Variants in KIF2C observed in about 807,000 individuals in gnomAD.
KIF2C encodes the protein kinesin family member 2C.
KIF2C carries 34 observed loss-of-function variants against 97.4 expected under a neutral mutation model. The observed-to-expected ratio is 0.35, with a 90% CI of 0.27 to 0.46. The LOEUF is 0.46. Ranked by LOEUF, KIF2C falls within the 20% of genes least tolerant of loss-of-function variation. The pLI is 1.00. For synonymous variants in KIF2C, 313 were observed against 318.2 expected, an observed-to-expected ratio of 0.98 and a Z score of 0.17; for missense variants, 750 against 907.6, an observed-to-expected ratio of 0.83 and a Z score of 2.23.
At chr1:44,754,638 C>G (rs1649716592) in intron 7 of KIF2C, 112 bp from the exon 8 acceptor site, 4 of 773,976 alleles carry the variant, frequency 5.2e-6, no homozygotes, top group Admixed American at 1.9e-5. Flanking sequence ...AGGGCAGGGA[C>G]TTTGACAACT....
chr1:44,750,542 C>A lies in KIF2C; in HGVS notation c.417C>A (p.Ser139=). Residue 139 remains serine (S), a synonymous_variant, in exon 5 of 21, where the codon TCC becomes TCA. Coordinates refer to ENST00000372224, the MANE Select transcript of KIF2C (RefSeq NM_006845.4). ...MEVELPAAAN[S]RKQFSVPPAP... Reference sequence around the variant, plus strand: ...TGGAGCTGCCTGCAGCTGCAAACTCCCGCAAGCAGTTTTCAGTTCCTCGTG... The same window carrying A: ...TGGAGCTGCCTGCAGCTGCAAACTCACGCAAGCAGTTTTCAGTTCCTCGTG... The A allele has an allele frequency of 1.3e-6, 2 of 1,583,590 alleles. No homozygotes were observed. Among genetic ancestry groups the A allele is most frequent in the South Asian group, 1.1e-5 (1 of 87,642 alleles).
Position 44,760,633 on chromosome 1 carries a change from G to A in KIF2C, c.1614G>A (p.Pro538=), listed in dbSNP as rs775625812. Reference sequence around the variant, plus strand: ...TGGGACAGAACAAGGCTCACACCCCGTTCCGTGAGAGCAAGCTGACACAGG... The same window carrying A: ...TGGGACAGAACAAGGCTCACACCCCATTCCGTGAGAGCAAGCTGACACAGG... ...RALGQNKAHT[P]FRESKLTQVL... is the part of the protein sequence containing the mutation. Residue 538 remains proline, a synonymous_variant, in exon 16 of 21, where the codon CCG becomes CCA. Coordinates refer to ENST00000372224, the MANE Select transcript of KIF2C (RefSeq NM_006845.4). This position sits in a 1 kb window ranked among gnomAD's most constrained non-coding sequence, Gnocchi z 4.2. The A allele has an allele frequency of 1.7e-5, 28 of 1,614,090 alleles. No individual in the cohort carries two copies. The highest frequency in any genetic ancestry group is 9.9e-5 in the South Asian group (9 of 91,088).
intron 8 of KIF2C, among the ~76,000 whole-genome samples, 197 bp from the exon 9 acceptor site, chr1:44,755,732 G>A (rs1222686281): frequency 6.6e-6 from 1 of 152,230 alleles, no homozygotes; most frequent in East Asian, 1.9e-4. Flanking sequence ...AGCAGAGTGA[G>A]AAAAATGGGA....
At chr1:44,754,656 G>A (rs972976821) in intron 7 of KIF2C, 94 bp from the exon 8 acceptor site, 10 of 801,924 alleles carry the variant, frequency 1.2e-5, no homozygotes, top group African/African-American at 1.0e-4. Flanking sequence ...ACTATGAAGG[G>A]TGGTGAGCAA....
rs767747668 is a variant in KIF2C, at chr1:44,756,142, C to T, written c.882C>T (p.Pro294=). 4.3e-6 allele frequency: 7 copies of T among 1,614,050 alleles called. No homozygotes were observed. In the African/African-American group the frequency reaches 9.3e-5, roughly 22 times the overall value. ...PSKCLLLVHE[P]KLKVDLTKYL... is the part of the protein sequence containing the mutation. ...AGTGTCTCCTCTTGGTACATGAACC[C>T]AAGTTGAAAGTGGACTTAACAAAGT... The change falls in exon 10 of 21, where the codon CCC becomes CCT. Residue 294 remains proline, a synonymous_variant. Coordinates refer to ENST00000372224, the MANE Select transcript of KIF2C (RefSeq NM_006845.4).
In KIF2C at chr1:44,760,631, C is replaced by G. The variant is rs1353102750; in HGVS notation, c.1612C>G (p.Pro538Ala). 6.2e-7 allele frequency: 1 copy of G among 1,614,182 alleles called. No homozygotes were observed. The highest frequency in any genetic ancestry group is 8.5e-7 in the Non-Finnish European group (1 of 1,180,034). The change falls in exon 16 of 21, where the codon CCG (proline) becomes GCG (alanine). Residue 538 changes from proline (P) to alanine (A), a missense_variant. Coordinates refer to ENST00000372224, the MANE Select transcript of KIF2C (RefSeq NM_006845.4). The surrounding 1 kb of genome is among the most constrained non-coding windows in gnomAD (Gnocchi z 4.2). Reference protein sequence around the residue: ...RALGQNKAHTPFRESKLTQVL... With the variant: ...RALGQNKAHTAFRESKLTQVL... The stretch of plus-strand genomic sequence containing the variant: ...CCTGGGACAGAACAAGGCTCACACC[C>G]CGTTCCGTGAGAGCAAGCTGACACA...
Position 44,762,555 on chromosome 1 carries a change from A to G in KIF2C, c.1868A>G (p.Glu623Gly). ...GALIPGNLSK[E>G]EEELSSQMSS... ...TTTTGGCCCTCTCAGTTATCCAAGG[A>G]AGAGGAGGAACTGTCTTCCCAGATG... Residue 623 changes from glutamate (E) to glycine (G), a missense_variant, in exon 19 of 21, where the codon GAA becomes GGA. Glu to Gly is a moderately conservative substitution (Grantham distance 98). Transcript: ENST00000372224. The G allele has an allele frequency of 6.2e-7, 1 of 1,614,008 alleles. No homozygotes were observed.
chr1:44,758,459 T>G (rs1649960021), intron 13 of KIF2C, among the ~76,000 whole-genome samples: 1 of 152,216 alleles, frequency 6.6e-6, no homozygotes, highest in African/African-American at 2.4e-5. Context: ...ATATTCATTC[T>G]TTCCCTGCCC....
Position 44,740,779 on chromosome 1 carries a change from G to GTTTT in KIF2C, c.71-117_71-114dup, listed in dbSNP as rs11403922. 2.4e-3 allele frequency: 592 copies of GTTTT among 250,568 alleles called. 1 individual carries two copies. Among genetic ancestry groups the GTTTT allele is most frequent in the South Asian group, 6.2e-3 (130 of 20,942 alleles). The allele number at this position is 250,568 out of a possible 1,614,324, so 15.5% of individuals were successfully genotyped here. On this transcript the variant is annotated intron_variant, in intron 1 of 20. Coordinates refer to ENST00000372224, the MANE Select transcript of KIF2C (RefSeq NM_006845.4). ...CCAGGAGATTTATTTGTTTCTCTTA[G>GTTTT]TTTTTTTTTTTTTTTTTTTTAAGGT...
At chr1:44,746,851 CT>C (rs1186535569) in intron 2 of KIF2C, 5 of 1,234,566 alleles carry the variant, frequency 4.1e-6, no homozygotes, top group East Asian at 2.6e-5. Flanking sequence ...AGGGGTACCC[CT>C]GTCTATAGAA....
intron 4 of KIF2C, 122 bp from the exon 5 acceptor site, chr1:44,750,320 G>A: frequency 9.3e-7 from 1 of 1,072,832 alleles, no homozygotes. Flanking sequence ...AATATGGGAA[G>A]TTGGCGAGCC....
rs201192901 is a variant in KIF2C at position 44,762,698 on chromosome 1, G to A, written c.1971+40G>A. The A allele has an allele frequency of 1.2e-4, 155 of 1,327,402 alleles. No homozygotes were observed. The African/African-American group carries it at 1.9e-3, about 16-fold the overall frequency. 82.2% of individuals were successfully genotyped at this position (1,327,402 alleles called of 1,614,324 possible). A position where few individuals can be genotyped will look rare whatever the true frequency, so the allele number is the denominator to read the frequency against. ...CTGGACAGGGAGCTGGATGCAGCACGGCCCTCAGTATGCTCCACACCATTC... is the reference window on the plus strand; with the variant it reads ...CTGGACAGGGAGCTGGATGCAGCACAGCCCTCAGTATGCTCCACACCATTC... On this transcript the variant is annotated intron_variant, in intron 19 of 20. Coordinates refer to ENST00000372224, the MANE Select transcript of KIF2C (RefSeq NM_006845.4).
At chr1:44,740,880 G>T (rs1268330511) in intron 1 of KIF2C, 33 bp from the exon 2 acceptor site, 2 of 1,480,228 alleles carry the variant, frequency 1.4e-6, no homozygotes, top group Admixed American at 1.8e-5. Flanking sequence ...TCAGGAAAGA[G>T]ATGGGTAACT....
intron 5 of KIF2C, among the ~76,000 whole-genome samples, chr1:44,752,232 G>A (rs1487217832): frequency 5.6e-5 from 8 of 143,180 alleles, no homozygotes; most frequent in Non-Finnish European, 9.0e-5. Flanking sequence ...TCTGCCTCCC[G>A]GGTTCATGCC....
rs780425975 is a variant in KIF2C, at chr1:44,760,733, CAGG to C, written c.1683+37_1683+39del. Reference sequence around the variant, plus strand: ...TAGGGTCACTTTGAAGGTGATGGTACAGGAGGAGACAGAGTTGCTTTCCACAGA... The same window carrying C: ...TAGGGTCACTTTGAAGGTGATGGTACAGGAGACAGAGTTGCTTTCCACAGA... On this transcript the variant is annotated intron_variant, in intron 16 of 20. Transcript: ENST00000372224. The surrounding 1 kb of genome is among the most constrained non-coding windows in gnomAD (Gnocchi z 4.2). 6.5e-7 allele frequency: 1 copy of C among 1,540,244 alleles called. No individual in the cohort carries two copies. Among genetic ancestry groups the C allele is most frequent in the South Asian group, 1.1e-5 (1 of 89,046 alleles).
intron 10 of KIF2C, among the ~76,000 whole-genome samples, chr1:44,757,290 G>A (rs539476828): frequency 2.6e-5 from 4 of 152,292 alleles, no homozygotes; most frequent in African/African-American, 9.6e-5. Context: ...TCAGAGGAAA[G>A]GTCAGATGGC....
At chr1:44,766,797 G>T in intron 19 of KIF2C, 29 bp from the exon 20 acceptor site, 2 of 1,612,106 alleles carry the variant, frequency 1.2e-6, no homozygotes, top group Non-Finnish European at 8.5e-7. Context: ...AATGGTTATT[G>T]AACTGACAAG....
chr1:44,753,432 C>T (rs1224658184), intron 6 of KIF2C, among the ~76,000 whole-genome samples, 178 bp downstream of exon 6: 1 of 152,222 alleles, frequency 6.6e-6, no homozygotes. Context: ...AGAACTGTTT[C>T]ACTTCTGTGG....
intron 19 of KIF2C, among the ~76,000 whole-genome samples, chr1:44,765,825 G>A (rs1323358211): frequency 6.6e-6 from 1 of 152,170 alleles, no homozygotes; most frequent in African/African-American, 2.4e-5. Context: ...GCTGATGCAG[G>A]CAGATCAACT....
Sources: allele counts gnomAD v4.1 joint callset (sites outside exome capture counted in the v4.1 genomes callset), GRCh38; gene constraint gnomAD v4.1.1; non-coding constraint Gnocchi (gnomAD v3.1); transcripts MANE v1.5; gene names NCBI Gene and HGNC (gene_info 2026-07-23, HGNC 2026-07-21).